Variants in MAGI2 observed in about 807,000 individuals in gnomAD.
The protein encoded by MAGI2 is membrane-associated guanylate kinase, WW and PDZ domain-containing protein 2.
Under a neutral mutation model 133.3 loss-of-function variants are expected in MAGI2, and 35 were observed. The observed-to-expected ratio is 0.26, with a 90% CI of 0.20 to 0.35. MAGI2 has a LOEUF of 0.35. Among genes scored for constraint, MAGI2 ranks in the 10% least tolerant of loss-of-function variants. MAGI2 has a pLI of 1.00. For missense variants in MAGI2, 1,636 were observed against 1,863.4 expected (o/e 0.88, Z 2.25); for synonymous variants, 729 against 710.6 (o/e 1.03, Z -0.41).
At chr7:78,925,438 T>A (rs1451111151) in intron 2 of MAGI2, among the ~76,000 whole-genome samples, 3 of 152,080 alleles carry the variant, frequency 2.0e-5, no homozygotes, top group Non-Finnish European at 4.4e-5. Context: ...TAGATATTAG[T>A]CATTCTGAAC....
chr7:78,555,847 T>C (rs1210064373), intron 3 of MAGI2, among the ~76,000 whole-genome samples: 1 of 152,232 alleles, frequency 6.6e-6, no homozygotes, highest in Non-Finnish European at 1.5e-5. Context: ...TGCATGTTTC[T>C]ATTGCATTTA....
intron 2 of MAGI2, among the ~76,000 whole-genome samples, chr7:78,789,790 T>A (rs577251063): frequency 2.0e-5 from 3 of 152,340 alleles, no homozygotes; most frequent in African/African-American, 7.2e-5. Flanking sequence ...CTACATCTTA[T>A]TCATTCTATC....
chr7:78,577,360 T>C (rs939649240), intron 3 of MAGI2, among the ~76,000 whole-genome samples: 2 of 152,164 alleles, frequency 1.3e-5, no homozygotes, highest in African/African-American at 4.8e-5. Flanking sequence ...ATTAAAAGAT[T>C]AATATGAGTC....
intron 1 of MAGI2, among the ~76,000 whole-genome samples, chr7:79,036,574 A>G (rs1811146971): frequency 6.6e-6 from 1 of 152,200 alleles, no homozygotes; most frequent in Non-Finnish European, 1.5e-5. Context: ...TTAGGCAGTT[A>G]TAGCTAGATC....
chr7:78,802,713 T>A (rs1788178608), intron 2 of MAGI2, among the ~76,000 whole-genome samples: 1 of 152,138 alleles, frequency 6.6e-6, no homozygotes, highest in African/African-American at 2.4e-5. Context: ...TAATATGAAC[T>A]ACAGAATTGA....
intron 2 of MAGI2, among the ~76,000 whole-genome samples, chr7:78,664,950 C>T (rs76191162): frequency 0.015 from 2,336 of 151,974 alleles, 69 homozygotes; most frequent in African/African-American, 0.053. Context: ...AAATTTCATA[C>T]GTAGATATAA....
At chr7:78,995,401 AT>A (rs1806193240) in intron 2 of MAGI2, among the ~76,000 whole-genome samples, 1 of 152,250 alleles carries the variant, frequency 6.6e-6, no homozygotes, top group East Asian at 1.9e-4. Context: ...TTTTTCTCCC[AT>A]TAGATATATT....
At chr7:78,026,923 G>C (rs1584872802) in intron 21 of MAGI2, among the ~76,000 whole-genome samples, 1 of 152,136 alleles carries the variant, frequency 6.6e-6, no homozygotes, top group East Asian at 1.9e-4. Context: ...ACTGACTGAG[G>C]TACTTACTAG....
chr7:78,697,415 C>T (rs995592303), intron 2 of MAGI2, among the ~76,000 whole-genome samples: 3 of 152,148 alleles, frequency 2.0e-5, no homozygotes, highest in South Asian at 2.1e-4. Context: ...ACTGAGTGCA[C>T]GGACTTAAAT....
chr7:78,262,566 G>C (rs1366638356), intron 9 of MAGI2, among the ~76,000 whole-genome samples: 2 of 152,114 alleles, frequency 1.3e-5, no homozygotes, highest in Non-Finnish European at 2.9e-5. Context: ...TCAGAGCACT[G>C]ACTTAGAAGT....
chr7:79,094,458 T>C (rs966141312), intron 1 of MAGI2, among the ~76,000 whole-genome samples: 5 of 152,236 alleles, frequency 3.3e-5, no homozygotes, highest in African/African-American at 4.8e-5. Context: ...TCTTCTGAAC[T>C]GTTAATGTCA....
intron 6 of MAGI2, among the ~76,000 whole-genome samples, chr7:78,444,689 T>C (rs1787957245): frequency 6.6e-6 from 1 of 151,910 alleles, no homozygotes; most frequent in African/African-American, 2.4e-5. Flanking sequence ...TAAGTGCTTA[T>C]CTCTTGAAAT....
chr7:78,773,746 G>A (rs575425196), intron 2 of MAGI2, among the ~76,000 whole-genome samples: 30 of 152,256 alleles, frequency 2.0e-4, no homozygotes, highest in Admixed American at 1.7e-3. Flanking sequence ...GGGTTTTCAG[G>A]CAGAGACACA....
intron 6 of MAGI2, among the ~76,000 whole-genome samples, chr7:78,449,673 A>C (rs1788517038): frequency 6.6e-6 from 1 of 152,062 alleles, no homozygotes; most frequent in Non-Finnish European, 1.5e-5. Context: ...TGTGGCTTCA[A>C]AATTTTTTTG....
intron 2 of MAGI2, among the ~76,000 whole-genome samples, chr7:78,809,143 A>T (rs1165610855): frequency 6.6e-6 from 1 of 152,198 alleles, no homozygotes; most frequent in Non-Finnish European, 1.5e-5. Flanking sequence ...ATGGACTTGC[A>T]ATATAACACT....
intron 2 of MAGI2, among the ~76,000 whole-genome samples, chr7:78,723,121 G>A (rs1291092345): frequency 6.6e-6 from 1 of 152,100 alleles, no homozygotes; most frequent in East Asian, 1.9e-4. Context: ...TCCATACTTA[G>A]AAACGCATGA....
intron 1 of MAGI2, among the ~76,000 whole-genome samples, chr7:79,428,853 G>C (rs1345482208): frequency 6.6e-6 from 1 of 152,000 alleles, no homozygotes; most frequent in Non-Finnish European, 1.5e-5. Flanking sequence ...CCTTTGGAAG[G>C]CTTTTATTTC....
At chr7:78,843,280 T>C (rs1035100054) in intron 2 of MAGI2, among the ~76,000 whole-genome samples, 36 of 151,876 alleles carry the variant, frequency 2.4e-4, no homozygotes, top group African/African-American at 8.7e-4. Flanking sequence ...CATTCTTTCT[T>C]AAACAATTGG....
chr7:79,419,996 T>G (rs1846831177), intron 1 of MAGI2, among the ~76,000 whole-genome samples: 1 of 152,090 alleles, frequency 6.6e-6, no homozygotes, highest in South Asian at 2.1e-4. Flanking sequence ...CAAGGGCATA[T>G]TATTGGTTAC....
Sources: allele counts gnomAD v4.1 joint callset (sites outside exome capture counted in the v4.1 genomes callset), GRCh38; gene constraint gnomAD v4.1.1; transcripts MANE v1.5; gene names NCBI Gene and HGNC (gene_info 2026-07-23, HGNC 2026-07-21).